CYRIA: variants seen among roughly 807,000 people sequenced by gnomAD.
The protein encoded by CYRIA is CYFIP related Rac1 interactor A.
A neutral mutation model predicts 43.9 loss-of-function variants in CYRIA; 15 were observed. That is an observed-to-expected ratio of 0.34 (90% CI 0.23 to 0.53). The LOEUF (loss-of-function observed/expected upper bound fraction) is 0.53, where lower values mean the gene tolerates loss of function less well. CYRIA is among the 20% of genes least tolerant of loss of function. The pLI is 0.94. For synonymous variants in CYRIA, 117 were observed against 136.0 expected (o/e 0.86, Z 0.97); for missense variants, 236 against 394.2 (o/e 0.60, Z 3.40).
At chr2:16,604,011 G>T (rs1668292617) in intron 2 of CYRIA, among the ~76,000 whole-genome samples, 2 of 152,210 alleles carry the variant, frequency 1.3e-5, no homozygotes, top group African/African-American at 4.8e-5. Context: ...ACACGCACCT[G>T]GGCTATGCCT....
At chr2:16,628,999 C>T (rs1334841989) in intron 1 of CYRIA, among the ~76,000 whole-genome samples, 1 of 152,102 alleles carries the variant, frequency 6.6e-6, no homozygotes, top group Non-Finnish European at 1.5e-5. Context: ...CCCTGGAAGC[C>T]CCGGAACCCT....
chr2:16,663,340 T>G (rs1300938361), intron 1 of CYRIA, among the ~76,000 whole-genome samples: 1 of 152,240 alleles, frequency 6.6e-6, no homozygotes, highest in African/African-American at 2.4e-5. Flanking sequence ...CATTTGACAC[T>G]GAGGCTGCTG....
chr2:16,585,646 T>C lies in CYRIA; in HGVS notation c.70+2404A>G, dbSNP rs190410303. 9.8e-5 allele frequency among the ~76,000 whole-genome samples: 15 copies of C among 152,294 alleles called. No homozygotes were observed. The East Asian group carries it at 2.9e-3, about 29-fold the overall frequency. ...ATTAAATTGACAAATGGAGTTTTAG[T>C]ACTATAAACTATCATCAAAATTTGA... On this transcript the variant is annotated intron_variant, in intron 3 of 11. Coordinates refer to ENST00000381323, the MANE Select transcript of CYRIA (RefSeq NM_030797.4).
intron 2 of CYRIA, among the ~76,000 whole-genome samples, chr2:16,591,673 A>C (rs559826469): frequency 6.6e-6 from 1 of 152,174 alleles, no homozygotes; most frequent in East Asian, 1.9e-4. Flanking sequence ...TCTTAATGTG[A>C]CCTGCTGCTG....
At chr2:16,649,176 T>G (rs1263609184) in intron 1 of CYRIA, among the ~76,000 whole-genome samples, 2 of 152,216 alleles carry the variant, frequency 1.3e-5, no homozygotes, top group African/African-American at 2.4e-5. Context: ...TATTGTAATC[T>G]AGAGATTATT....
chr2:16,636,733 G>A (rs1487759437), intron 1 of CYRIA, among the ~76,000 whole-genome samples: 1 of 151,894 alleles, frequency 6.6e-6, no homozygotes, highest in Admixed American at 6.6e-5. Context: ...ACAACTTCAG[G>A]GAAAGAAATT....
At position 16,579,100 on chromosome 2, in the gene CYRIA, AT is replaced by A. The variant is rs201472627; in HGVS notation, c.70+8949del. ...ACAATGAAAGCCAGAAGACAATGGGATCACTTCTTTCAAGTGCTTTAAGAAA... is the reference window on the plus strand; with the variant it reads ...ACAATGAAAGCCAGAAGACAATGGGACACTTCTTTCAAGTGCTTTAAGAAA... On this transcript the variant is annotated intron_variant, in intron 3 of 11. Coordinates refer to ENST00000381323, the MANE Select transcript of CYRIA (RefSeq NM_030797.4). 9.5e-3 allele frequency among the ~76,000 whole-genome samples: 1,453 copies of A among 152,290 alleles called. 17 individuals are homozygous for A. The highest frequency in any genetic ancestry group is 0.031 in the African/African-American group (1,296 of 41,558).
chr2:16,564,110 A>G lies in CYRIA; in HGVS notation c.193-16T>C. ...TTTGAATTGCCTGCAAAAACACAGT[A>G]GAGCTGACTGTTTAAAAAGAAGTGG... On this transcript the variant is annotated splice_polypyrimidine_tract_variant and intron_variant, in intron 4 of 11. Coordinates refer to ENST00000381323, the MANE Select transcript of CYRIA (RefSeq NM_030797.4). The G allele has an allele frequency of 6.3e-7, 1 of 1,592,170 alleles. No individual in the cohort carries two copies. The highest frequency in any genetic ancestry group is 8.6e-7 in the Non-Finnish European group (1 of 1,162,498).
At chr2:16,563,642 A>G (rs1572459302) in intron 5 of CYRIA, among the ~76,000 whole-genome samples, 1 of 152,160 alleles carries the variant, frequency 6.6e-6, no homozygotes, top group South Asian at 2.1e-4. Flanking sequence ...CAAGCAAGTT[A>G]TTTGTTGGGT....
rs1666689197 is a variant in CYRIA, at chr2:16,560,598, C to T, written c.710+392G>A. The T allele has an allele frequency of 1.6e-5, 3 of 190,152 alleles. No individual in the cohort carries two copies. The South Asian group carries it at 3.5e-4, about 22-fold the overall frequency. 11.8% of individuals were successfully genotyped at this position (190,152 alleles called of 1,614,324 possible). A position where few individuals can be genotyped will look rare whatever the true frequency, so the allele number is the denominator to read the frequency against. ...AGAGAGAGAGAAAGAGAGAGACCTCCATTTTCACTCTTGAAACAGTCTTAT... is the reference window on the plus strand; with the variant it reads ...AGAGAGAGAGAAAGAGAGAGACCTCTATTTTCACTCTTGAAACAGTCTTAT... On this transcript the variant is annotated intron_variant, in intron 9 of 11. Transcript: ENST00000381323.
At chr2:16,607,882 C>A (rs981255663) in intron 2 of CYRIA, among the ~76,000 whole-genome samples, 1 of 152,156 alleles carries the variant, frequency 6.6e-6, no homozygotes, top group African/African-American at 2.4e-5. Context: ...CAGGTGTGAG[C>A]CAGAGTGCCC....
At chr2:16,591,798 G>T (rs1332128222) in intron 2 of CYRIA, among the ~76,000 whole-genome samples, 1 of 152,040 alleles carries the variant, frequency 6.6e-6, no homozygotes, top group East Asian at 1.9e-4. Flanking sequence ...ACTTTAATCT[G>T]AGTATCTGAG....
chr2:16,648,159 G>T lies in CYRIA; in HGVS notation c.-167+17621C>A, dbSNP rs532567075. ...TAGTGAGTGGAGAAGTGTCCCAGGT[G>T]GTTTTATCTATCTCAGAGAAACTCA... On this transcript the variant is annotated intron_variant, in intron 1 of 11. Transcript: ENST00000381323. Among the ~76,000 whole-genome samples, 7 of 152,230 alleles carry T rather than the reference G, an allele frequency of 4.6e-5. No individual in the cohort carries two copies. The East Asian group carries it at 1.4e-3, about 29-fold the overall frequency.
chr2:16,644,868 C>CA, intron 1 of CYRIA, among the ~76,000 whole-genome samples: 1 of 152,284 alleles, frequency 6.6e-6, no homozygotes, highest in East Asian at 1.9e-4. Context: ...ACCAACCCCC[C>CA]ACACACGGAG....
In CYRIA at chr2:16,559,189, A is replaced by G. The variant is rs1435707478; in HGVS notation, c.837+271T>C. 2.0e-5 allele frequency among the ~76,000 whole-genome samples: 3 copies of G among 152,190 alleles called. 1 individual carries two copies. Among genetic ancestry groups the G allele is most frequent in the Non-Finnish European group, 4.4e-5 (3 of 68,022 alleles). On this transcript the variant is annotated intron_variant, in intron 10 of 11. Coordinates refer to ENST00000381323, the MANE Select transcript of CYRIA (RefSeq NM_030797.4). ...CTGGGTAAATGAAGGGACTGCATGC[A>G]ACTAAGTGACTGTTCATTTGCTCAG...
At chr2:16,578,293 G>A (rs904205844) in intron 3 of CYRIA, among the ~76,000 whole-genome samples, 9 of 152,238 alleles carry the variant, frequency 5.9e-5, no homozygotes, top group African/African-American at 1.7e-4. Context: ...CTGAGTGCAC[G>A]TATTATTCAC....
intron 1 of CYRIA, among the ~76,000 whole-genome samples, chr2:16,629,743 A>C (rs913017381): frequency 1.8e-4 from 28 of 152,208 alleles, no homozygotes; most frequent in African/African-American, 6.8e-4. Context: ...TTTTTTGGTA[A>C]ATAGACCTTT....
chr2:16,657,481 T>G (rs1418504916), intron 1 of CYRIA, among the ~76,000 whole-genome samples: 1 of 65,208 alleles, frequency 1.5e-5, no homozygotes, highest in East Asian at 3.3e-4. Context: ...TTTTTTGTTG[T>G]TTTTTTTTTT....
chr2:16,559,556 C>G lies in CYRIA; in HGVS notation c.741G>C (p.Glu247Asp), dbSNP rs867826444. 15 of 1,613,070 alleles carry G rather than the reference C, an allele frequency of 9.3e-6. No homozygotes were observed. The highest frequency in any genetic ancestry group is 1.3e-5 in the Non-Finnish European group (15 of 1,179,368). ...PEYRSRFTSEETLMFCMRVMV... is the reference protein window; with the variant it reads ...PEYRSRFTSEDTLMFCMRVMV... ...TCACCCTCATGCAGAACATCAGGGT[C>G]TCTTCACTCGTAAACCTACTTCTGT... Residue 247 changes from glutamate (E) to aspartate (D), a missense_variant, in exon 10 of 12, where the codon GAG (glutamate) becomes GAC (aspartate). Physicochemically the swap from Glu to Asp is conservative, Grantham distance 45. Transcript: ENST00000381323.
Sources: allele counts gnomAD v4.1 joint callset (sites outside exome capture counted in the v4.1 genomes callset), GRCh38; gene constraint gnomAD v4.1.1; transcripts MANE v1.5; gene names NCBI Gene and HGNC (gene_info 2026-07-23, HGNC 2026-07-21).